The following CDH13 variants were observed in gnomAD, a reference collection of about 807,000 sequenced individuals.
CDH13 encodes cadherin-13.
In CDH13, 24 loss-of-function variants were observed where a neutral mutation model predicts 63.8. The ratio of observed to expected loss-of-function variants is 0.38; its 90% CI spans 0.27 to 0.53. CDH13 has a LOEUF of 0.53. Ranked by LOEUF, CDH13 falls within the 20% of genes least tolerant of loss-of-function variation. The pLI, the probability that CDH13 is intolerant of heterozygous loss-of-function variation, is 0.85. For synonymous variants in CDH13, 503 were observed against 355.3 expected, an observed-to-expected ratio of 1.42 and a Z score of -4.67; for missense variants, 1,049 against 903.1, an observed-to-expected ratio of 1.16 and a Z score of -2.07.
At chr16:83,437,267 G>A (rs898288106) in intron 6 of CDH13, among the ~76,000 whole-genome samples, 8 of 151,948 alleles carry the variant, frequency 5.3e-5, no homozygotes, top group East Asian at 1.9e-4. Context: ...TTGTTAGATC[G>A]GATAATGATA....
chr16:83,066,203 G>A (rs12929084), intron 3 of CDH13, among the ~76,000 whole-genome samples: 6,820 of 152,272 alleles, frequency 0.045, 208 homozygotes, highest in Middle Eastern at 0.082. Context: ...TCAGCTACAT[G>A]GTGATGATGA....
At chr16:82,785,223 A>G (rs931245404) in intron 1 of CDH13, among the ~76,000 whole-genome samples, 2 of 152,152 alleles carry the variant, frequency 1.3e-5, no homozygotes, top group African/African-American at 4.8e-5. Context: ...AGACTCTCTT[A>G]TGTCTAAATG....
intron 1 of CDH13, among the ~76,000 whole-genome samples, chr16:82,698,610 G>C (rs534241082): frequency 6.6e-6 from 1 of 152,150 alleles, no homozygotes; most frequent in African/African-American, 2.4e-5. Context: ...AGGCATGAGA[G>C]ACAAGCTCAA....
intron 3 of CDH13, among the ~76,000 whole-genome samples, chr16:83,088,446 C>T (rs1257398014): frequency 6.6e-6 from 1 of 152,126 alleles, no homozygotes; most frequent in African/African-American, 2.4e-5. Flanking sequence ...TGACAGTTGC[C>T]CACCGAACCA....
chr16:83,508,749 C>T (rs1183615797), intron 7 of CDH13, among the ~76,000 whole-genome samples: 1 of 152,200 alleles, frequency 6.6e-6, no homozygotes, highest in African/African-American at 2.4e-5. Context: ...TTCTCCCTCA[C>T]TTGTGCTTCT....
intron 3 of CDH13, among the ~76,000 whole-genome samples, chr16:83,096,963 A>G (rs1356114840): frequency 1.3e-5 from 2 of 152,192 alleles, no homozygotes; most frequent in Non-Finnish European, 2.9e-5. Context: ...GGTTGAAAAT[A>G]AAAATATCTT....
chr16:83,039,966 A>T (rs1281515907), intron 3 of CDH13, among the ~76,000 whole-genome samples: 1 of 151,802 alleles, frequency 6.6e-6, no homozygotes, highest in Non-Finnish European at 1.5e-5. Context: ...TTCTTTCTCC[A>T]GGCTCCTGTA....
chr16:83,189,547 C>T (rs35936539), intron 4 of CDH13, among the ~76,000 whole-genome samples: 9,851 of 152,188 alleles, frequency 0.065, 382 homozygotes, highest in Non-Finnish European at 0.077. Flanking sequence ...AAAGGGTATT[C>T]ATTGACTCCC....
chr16:83,146,679 A>G (rs891007611), intron 4 of CDH13, among the ~76,000 whole-genome samples: 1 of 152,258 alleles, frequency 6.6e-6, no homozygotes, highest in Non-Finnish European at 1.5e-5. Flanking sequence ...TGGAGAAGTA[A>G]GATTTAGTTG....
At chr16:82,933,413 G>A (rs1339945371) in intron 2 of CDH13, among the ~76,000 whole-genome samples, 2 of 152,078 alleles carry the variant, frequency 1.3e-5, no homozygotes, top group Non-Finnish European at 2.9e-5. Flanking sequence ...CACCACTCAT[G>A]AGGTCCCTCC....
At chr16:83,563,348 C>G (rs1331500557) in intron 7 of CDH13, among the ~76,000 whole-genome samples, 1 of 152,174 alleles carries the variant, frequency 6.6e-6, no homozygotes, top group Non-Finnish European at 1.5e-5. Flanking sequence ...AGATGGACAA[C>G]TGCATTTATT....
At chr16:83,182,989 G>T (rs374325547) in intron 4 of CDH13, among the ~76,000 whole-genome samples, 1 of 151,622 alleles carries the variant, frequency 6.6e-6, no homozygotes, top group African/African-American at 2.4e-5. Flanking sequence ...CAGTAAAAAA[G>T]AATAAAAAAT....
At chr16:82,863,265 C>T (rs949353881) in intron 2 of CDH13, among the ~76,000 whole-genome samples, 4 of 152,150 alleles carry the variant, frequency 2.6e-5, no homozygotes, top group South Asian at 4.1e-4. Context: ...CGTGCACCTG[C>T]GACTATGTCC....
chr16:83,750,379 C>A (rs1249378349), intron 11 of CDH13, among the ~76,000 whole-genome samples: 1 of 152,182 alleles, frequency 6.6e-6, no homozygotes, highest in Non-Finnish European at 1.5e-5. Flanking sequence ...TGACACCTAA[C>A]TGGCTTTTTC....
intron 4 of CDH13, among the ~76,000 whole-genome samples, chr16:83,164,688 C>G (rs1041789576): frequency 2.0e-5 from 3 of 146,678 alleles, no homozygotes; most frequent in African/African-American, 7.9e-5. Flanking sequence ...CCATTGCACT[C>G]TAGGCTGGGT....
chr16:83,438,375 C>G (rs891034304), intron 6 of CDH13, among the ~76,000 whole-genome samples: 2 of 152,230 alleles, frequency 1.3e-5, no homozygotes, highest in African/African-American at 4.8e-5. Context: ...ATATTGCTGA[C>G]TTACCTTCCT....
intron 7 of CDH13, among the ~76,000 whole-genome samples, chr16:83,522,255 C>T (rs563059210): frequency 9.8e-5 from 15 of 152,296 alleles, no homozygotes; most frequent in Admixed American, 2.6e-4. Flanking sequence ...GCTTCGGGTC[C>T]ATTATAATGG....
chr16:82,829,478 A>G (rs2038425628), intron 1 of CDH13: 1 of 152,138 alleles, frequency 6.6e-6, no homozygotes, highest in Non-Finnish European at 1.5e-5. Context: ...ACGGCTACCC[A>G]AGAGGAAATA....
chr16:83,490,167 A>G (rs1416756679), intron 7 of CDH13, among the ~76,000 whole-genome samples: 3 of 152,176 alleles, frequency 2.0e-5, no homozygotes, highest in African/African-American at 4.8e-5. Context: ...AGTTGACACA[A>G]TAACAATTTT....
Sources: gnomAD v4.1 joint callset for allele counts (sites outside exome capture counted in the v4.1 genomes callset) on GRCh38, gnomAD v4.1.1 for gene constraint, MANE v1.5 for transcripts, NCBI Gene and HGNC (gene_info 2026-07-23, HGNC 2026-07-21) for gene names.